THRB: variants seen among roughly 807,000 people sequenced by gnomAD.
THRB encodes nuclear receptor subfamily 1 group A member 2.
In THRB, 12 loss-of-function variants were observed where a neutral mutation model predicts 47.8. That is an observed-to-expected ratio of 0.25 (90% CI 0.16 to 0.41). The LOEUF is 0.41. Ranked by LOEUF, THRB falls within the 10% of genes least tolerant of loss-of-function variation. The pLI is 1.00. For missense variants in THRB, 348 were observed against 589.2 expected, an observed-to-expected ratio of 0.59 and a Z score of 4.24; for synonymous variants, 218 against 212.2, an observed-to-expected ratio of 1.03 and a Z score of -0.24.
chr3:24,458,302 G>C (rs892909690), intron 1 of THRB: 4 of 152,096 alleles, frequency 2.6e-5, no homozygotes, highest in African/African-American at 9.7e-5. Flanking sequence ...AGACCCTGTT[G>C]TACTGGGTAG....
chr3:24,304,777 T>C (rs564848966), intron 2 of THRB, among the ~76,000 whole-genome samples: 30 of 152,190 alleles, frequency 2.0e-4, no homozygotes, highest in African/African-American at 7.0e-4. Flanking sequence ...ATTAATATGA[T>C]TAAAGGAAGA....
intron 3 of THRB, among the ~76,000 whole-genome samples, chr3:24,257,791 C>G (rs1010159423): frequency 6.6e-6 from 1 of 152,222 alleles, no homozygotes; most frequent in Non-Finnish European, 1.5e-5. Flanking sequence ...TGAATGCACA[C>G]TGTTAGACAC....
chr3:24,493,234 A>G (rs1698452217), intron 1 of THRB, among the ~76,000 whole-genome samples: 2 of 152,254 alleles, frequency 1.3e-5, no homozygotes, highest in Non-Finnish European at 2.9e-5. Context: ...ATTAGAAAGA[A>G]TTAAGCAGAA....
intron 1 of THRB, among the ~76,000 whole-genome samples, chr3:24,468,779 T>C (rs1291688462): frequency 6.6e-6 from 1 of 152,206 alleles, no homozygotes; most frequent in Non-Finnish European, 1.5e-5. Flanking sequence ...TTAAATGTTG[T>C]GAGAATTACC....
intron 5 of THRB, among the ~76,000 whole-genome samples, chr3:24,182,800 TA>T (rs1370873467): frequency 6.6e-6 from 1 of 152,192 alleles, no homozygotes; most frequent in Non-Finnish European, 1.5e-5. Flanking sequence ...TCGGACTGTA[TA>T]AGTAGATACG....
chr3:24,473,710 T>A (rs567628196), intron 1 of THRB, among the ~76,000 whole-genome samples: 1 of 151,520 alleles, frequency 6.6e-6, no homozygotes, highest in Non-Finnish European at 1.5e-5. Flanking sequence ...TAATGATAGA[T>A]TGGATAAAGA....
intron 4 of THRB, among the ~76,000 whole-genome samples, chr3:24,200,186 G>A (rs909520945): frequency 6.6e-6 from 1 of 152,106 alleles, no homozygotes; most frequent in Admixed American, 6.5e-5. Context: ...TTACTGCTAG[G>A]ATTAGGTTTA....
At chr3:24,333,500 A>G (rs193194861) in intron 2 of THRB, among the ~76,000 whole-genome samples, 1 of 152,336 alleles carries the variant, frequency 6.6e-6, no homozygotes, top group Admixed American at 6.5e-5. Flanking sequence ...GGAATTGCAA[A>G]AAAGTAAATT....
At chr3:24,388,312 C>G (rs1210987772) in intron 1 of THRB, among the ~76,000 whole-genome samples, 2 of 152,108 alleles carry the variant, frequency 1.3e-5, no homozygotes, top group Non-Finnish European at 2.9e-5. Context: ...TCCAACTTCT[C>G]CCTCTATCCA....
intron 3 of THRB, among the ~76,000 whole-genome samples, chr3:24,282,913 T>C (rs1429049057): frequency 1.3e-5 from 2 of 151,544 alleles, no homozygotes; most frequent in Non-Finnish European, 2.9e-5. Flanking sequence ...AATAGACCAA[T>C]AACAGGATCT....
intron 1 of THRB, among the ~76,000 whole-genome samples, chr3:24,390,531 T>C (rs1040013260): frequency 4.6e-5 from 7 of 152,186 alleles, no homozygotes; most frequent in African/African-American, 1.4e-4. Flanking sequence ...AATTAGCCTT[T>C]TATTATTATA....
At chr3:24,457,631 G>A (rs1056069753) in intron 1 of THRB, among the ~76,000 whole-genome samples, 1 of 152,056 alleles carries the variant, frequency 6.6e-6, no homozygotes, top group Non-Finnish European at 1.5e-5. Flanking sequence ...AATATTATAC[G>A]TTTGGTATCT....
chr3:24,356,781 G>A (rs115484951), intron 1 of THRB, among the ~76,000 whole-genome samples: 57 of 152,114 alleles, frequency 3.7e-4, no homozygotes, highest in Non-Finnish European at 7.2e-4. Flanking sequence ...CTATACACTG[G>A]GATTCCTCCC....
chr3:24,385,333 T>A (rs143450984), intron 1 of THRB, among the ~76,000 whole-genome samples: 67 of 152,020 alleles, frequency 4.4e-4, no homozygotes, highest in Middle Eastern at 6.8e-3. Flanking sequence ...CTTTCCAACC[T>A]CCACTAATAT....
intron 2 of THRB, among the ~76,000 whole-genome samples, chr3:24,312,684 C>G (rs2057835106): frequency 6.6e-6 from 1 of 152,074 alleles, no homozygotes; most frequent in South Asian, 2.1e-4. Flanking sequence ...TCATAGGAAG[C>G]CAGCGTGGCT....
chr3:24,199,723 T>C (rs2044375104), intron 4 of THRB, among the ~76,000 whole-genome samples: 1 of 152,228 alleles, frequency 6.6e-6, no homozygotes, highest in African/African-American at 2.4e-5. Flanking sequence ...TTTTAAAGTT[T>C]GTGTTTATAA....
intron 2 of THRB, among the ~76,000 whole-genome samples, chr3:24,305,331 T>G (rs1006988393): frequency 6.6e-6 from 1 of 152,176 alleles, no homozygotes; most frequent in Non-Finnish European, 1.5e-5. Context: ...TGAAAACCAT[T>G]GCTGTAGAGG....
intron 1 of THRB, among the ~76,000 whole-genome samples, chr3:24,489,717 C>G (rs1398106971): frequency 6.6e-6 from 1 of 152,128 alleles, no homozygotes; most frequent in East Asian, 1.9e-4. Context: ...AGGGACCAAA[C>G]AACATTAGCA....
intron 1 of THRB, among the ~76,000 whole-genome samples, chr3:24,407,455 C>A (rs984701118): frequency 2.6e-5 from 4 of 151,774 alleles, no homozygotes; most frequent in African/African-American, 7.3e-5. Context: ...GCTGACACTG[C>A]ACTTCTTTAT....
Sources: gnomAD v4.1 joint callset for allele counts (sites outside exome capture counted in the v4.1 genomes callset) on GRCh38, gnomAD v4.1.1 for gene constraint, MANE v1.5 for transcripts, NCBI Gene and HGNC (gene_info 2026-07-23, HGNC 2026-07-21) for gene names.